Variants in FHIT observed in about 807,000 individuals in gnomAD.
FHIT encodes fragile histidine triad diadenosine triphosphatase, also known as bis(5'-adenosyl)-triphosphatase.
A neutral mutation model predicts 17.9 loss-of-function variants in FHIT; 19 were observed. That is an observed-to-expected ratio of 1.06 (90% CI 0.74 to 1.56). The LOEUF is 1.56. FHIT is among the 40% of genes most tolerant of loss of function. The pLI is 0.00. For synonymous variants in FHIT, 81 were observed against 69.7 expected (o/e 1.16, Z -0.81); for missense variants, 248 against 189.2 (o/e 1.31, Z -1.82).
intron 5 of FHIT, among the ~76,000 whole-genome samples, chr3:60,333,841 T>G (rs1455226844): frequency 2.0e-5 from 3 of 152,172 alleles, no homozygotes; most frequent in Non-Finnish European, 4.4e-5. Flanking sequence ...ACTCACCAGA[T>G]TACTGTATTT....
intron 3 of FHIT, among the ~76,000 whole-genome samples, chr3:61,035,665 G>A (rs1898748): frequency 6.6e-6 from 1 of 152,032 alleles, no homozygotes; most frequent in Non-Finnish European, 1.5e-5. Context: ...TATGTAAACT[G>A]AAAGGATTAG....
At chr3:61,235,294 T>A (rs1217354349) in intron 1 of FHIT, among the ~76,000 whole-genome samples, 1 of 152,128 alleles carries the variant, frequency 6.6e-6, no homozygotes, top group African/African-American at 2.4e-5. Context: ...TTGTTTAACC[T>A]CTCTGAGCTT....
intron 4 of FHIT, among the ~76,000 whole-genome samples, chr3:60,665,598 T>G (rs1271844119): frequency 6.6e-6 from 1 of 152,000 alleles, no homozygotes; most frequent in Admixed American, 6.6e-5. Context: ...CACTCCTGTT[T>G]TTTTAAAAAT....
At chr3:60,674,723 G>T (rs1241968673) in intron 4 of FHIT, among the ~76,000 whole-genome samples, 1 of 152,134 alleles carries the variant, frequency 6.6e-6, no homozygotes, top group South Asian at 2.1e-4. Flanking sequence ...TGCCCTCTCA[G>T]ACTAAGAATT....
intron 1 of FHIT, among the ~76,000 whole-genome samples, chr3:61,204,963 A>T (rs1008279304): frequency 2.1e-5 from 3 of 145,224 alleles, no homozygotes; most frequent in African/African-American, 7.6e-5. Context: ...TCCTAATGCC[A>T]TCCCACCCAC....
At chr3:60,463,739 A>G (rs975533898) in intron 5 of FHIT, among the ~76,000 whole-genome samples, 1 of 152,208 alleles carries the variant, frequency 6.6e-6, no homozygotes, top group Non-Finnish European at 1.5e-5. Flanking sequence ...AGACCAGTTG[A>G]AACTCTGGCT....
chr3:61,095,058 A>G (rs910344283), intron 2 of FHIT, among the ~76,000 whole-genome samples: 1 of 152,202 alleles, frequency 6.6e-6, no homozygotes, highest in Non-Finnish European at 1.5e-5. Context: ...AAGTATTTGC[A>G]AAGACTATTA....
rs1036265325 is a variant in FHIT, at chr3:59,956,797, G to T, written c.280-34383C>A. Among the ~76,000 whole-genome samples the T allele has an allele frequency of 2.6e-5, 4 of 152,206 alleles. No individual in the cohort carries two copies. The South Asian group carries it at 6.2e-4, about 24-fold the overall frequency. On this transcript the variant is annotated intron_variant, in intron 7 of 9. Coordinates refer to ENST00000492590, the MANE Select transcript of FHIT (RefSeq NM_002012.4). ...AATAAAACAAAATGTGTGAAGCACT[G>T]AAACTACTACCTGGCAGAAGAAAAA...
At chr3:61,190,744 T>C (rs1392325070) in intron 2 of FHIT, among the ~76,000 whole-genome samples, 1 of 152,112 alleles carries the variant, frequency 6.6e-6, no homozygotes, top group African/African-American at 2.4e-5. Context: ...TGGAATACTA[T>C]GCAGCCATAA....
intron 8 of FHIT, among the ~76,000 whole-genome samples, chr3:59,913,597 T>G (rs539912384): frequency 6.6e-6 from 1 of 152,146 alleles, no homozygotes; most frequent in Non-Finnish European, 1.5e-5. Context: ...TTATTTAAAA[T>G]AGATGTATTA....
At chr3:61,026,365 C>A (rs1049938878) in intron 3 of FHIT, among the ~76,000 whole-genome samples, 3 of 152,136 alleles carry the variant, frequency 2.0e-5, no homozygotes, top group African/African-American at 7.2e-5. Context: ...GCCTTGGTTT[C>A]CTCTTCTATA....
At chr3:60,773,309 TATTA>T (rs1700107338) in intron 4 of FHIT, among the ~76,000 whole-genome samples, 1 of 152,244 alleles carries the variant, frequency 6.6e-6, no homozygotes, top group African/African-American at 2.4e-5. Flanking sequence ...AATATTTATT[TATTA>T]GTGTACCCTG....
chr3:60,291,916 T>G (rs1161479474), intron 5 of FHIT, among the ~76,000 whole-genome samples: 1 of 152,144 alleles, frequency 6.6e-6, no homozygotes, highest in Non-Finnish European at 1.5e-5. Context: ...CCCTGAAGAC[T>G]TCCCATGGAG....
intron 2 of FHIT, among the ~76,000 whole-genome samples, chr3:61,093,263 C>T (rs1454111229): frequency 6.6e-6 from 1 of 151,944 alleles, no homozygotes; most frequent in East Asian, 1.9e-4. Flanking sequence ...GAGAGAGAGA[C>T]TGAGAAAGCA....
chr3:61,175,727 T>C (rs545123539), intron 2 of FHIT, among the ~76,000 whole-genome samples: 1 of 152,148 alleles, frequency 6.6e-6, no homozygotes, highest in East Asian at 1.9e-4. Context: ...CATGGTGTAC[T>C]TCCCTCCAGA....
chr3:60,874,936 T>C (rs1222370096), intron 3 of FHIT, among the ~76,000 whole-genome samples: 1 of 152,186 alleles, frequency 6.6e-6, no homozygotes, highest in Non-Finnish European at 1.5e-5. Context: ...TCATGTCTTT[T>C]GTCACCTATA....
intron 5 of FHIT, among the ~76,000 whole-genome samples, chr3:60,470,917 G>C (rs423629): frequency 0.044 from 6,746 of 152,178 alleles, 189 homozygotes; most frequent in Middle Eastern, 0.1. Context: ...GTGCTCTTCG[G>C]TTAGCAGGTG....
intron 5 of FHIT, among the ~76,000 whole-genome samples, chr3:60,186,258 A>T (rs1007569745): frequency 6.6e-6 from 1 of 151,990 alleles, no homozygotes; most frequent in African/African-American, 2.4e-5. Context: ...ATACTTTTGC[A>T]TTTCACATTT....
chr3:60,326,431 A>G (rs2106829738), intron 5 of FHIT, among the ~76,000 whole-genome samples: 1 of 152,116 alleles, frequency 6.6e-6, no homozygotes, highest in Non-Finnish European at 1.5e-5. Flanking sequence ...TCACATTCCT[A>G]TGAGAATCTA....
Sources: allele counts gnomAD v4.1 joint callset (sites outside exome capture counted in the v4.1 genomes callset), GRCh38; gene constraint gnomAD v4.1.1; transcripts MANE v1.5; gene names NCBI Gene and HGNC (gene_info 2026-07-23, HGNC 2026-07-21).